The following ROBO2 variants were observed in gnomAD, a reference collection of about 807,000 sequenced individuals.
The protein encoded by ROBO2 is roundabout homolog 2.
A neutral mutation model predicts 160.8 loss-of-function variants in ROBO2; 53 were observed. The observed-to-expected ratio is 0.33, with a 90% confidence interval of 0.26 to 0.41. The LOEUF (loss-of-function observed/expected upper bound fraction) is 0.41. Ranked by LOEUF, ROBO2 falls within the 10% of genes least tolerant of loss-of-function variation. ROBO2 has a pLI of 1.00. For synonymous variants in ROBO2, 664 were observed against 611.7 expected (o/e 1.09, Z -1.26); for missense variants, 1,577 against 1,722.4 (o/e 0.92, Z 1.49).
chr3:77,159,172 A>C (rs564406252), intron 2 of ROBO2, among the ~76,000 whole-genome samples: 2 of 152,252 alleles, frequency 1.3e-5, no homozygotes, highest in Admixed American at 1.3e-4. Flanking sequence ...CATCGGGAGA[A>C]GCTCCTATTC....
chr3:76,185,095 A>C (rs1019985961), intron 2 of ROBO2, among the ~76,000 whole-genome samples: 14 of 151,006 alleles, frequency 9.3e-5, no homozygotes, highest in African/African-American at 3.4e-4. Flanking sequence ...GTAAATCATC[A>C]CAGGTATGGA....
chr3:77,597,725 T>C (rs1287351460), intron 19 of ROBO2, among the ~76,000 whole-genome samples: 1 of 151,352 alleles, frequency 6.6e-6, no homozygotes, highest in African/African-American at 2.4e-5. Context: ...AAAAAAAAAG[T>C]GTTTAGAAAA....
chr3:76,998,266 A>G (rs571861543), intron 2 of ROBO2, among the ~76,000 whole-genome samples: 2 of 152,286 alleles, frequency 1.3e-5, no homozygotes, highest in African/African-American at 4.8e-5. Context: ...GATAATGGAG[A>G]TAAGGACATA....
At chr3:77,602,786 T>G (rs1293278509) in intron 20 of ROBO2, 2 of 487,692 alleles carry the variant, frequency 4.1e-6, no homozygotes, top group Non-Finnish European at 7.8e-6. Flanking sequence ...CAACAATCCA[T>G]CTCTACTTCC....
intron 2 of ROBO2, among the ~76,000 whole-genome samples, chr3:76,502,024 C>G (rs1429274189): frequency 6.8e-6 from 1 of 147,420 alleles, no homozygotes; most frequent in East Asian, 1.9e-4. Flanking sequence ...CTCCCATAAT[C>G]TTTAATATTC....
At chr3:76,053,778 C>A (rs1277918873) in intron 2 of ROBO2, among the ~76,000 whole-genome samples, 1 of 152,012 alleles carries the variant, frequency 6.6e-6, no homozygotes, top group African/African-American at 2.4e-5. Context: ...TGATAAGAGG[C>A]AGATTGAAAT....
At chr3:76,150,725 C>T (rs1173551523) in intron 2 of ROBO2, among the ~76,000 whole-genome samples, 1 of 152,178 alleles carries the variant, frequency 6.6e-6, no homozygotes, top group African/African-American at 2.4e-5. Context: ...CCCAATCACA[C>T]TCTGATCTTT....
intron 2 of ROBO2, among the ~76,000 whole-genome samples, chr3:76,284,413 A>C (rs1234524274): frequency 2.0e-5 from 3 of 152,018 alleles, no homozygotes; most frequent in African/African-American, 4.8e-5. Context: ...CCTATAAAAA[A>C]AATCTGAGAT....
chr3:75,954,253 T>A (rs569328681), intron 2 of ROBO2, among the ~76,000 whole-genome samples: 3 of 151,842 alleles, frequency 2.0e-5, no homozygotes, highest in Non-Finnish European at 4.4e-5. Flanking sequence ...CTCAGGCGTC[T>A]CCAGTCCTAC....
At chr3:76,291,502 T>C (rs1708801183) in intron 2 of ROBO2, among the ~76,000 whole-genome samples, 1 of 152,114 alleles carries the variant, frequency 6.6e-6, no homozygotes, top group African/African-American at 2.4e-5. Context: ...ATATTTTATA[T>C]GATTTCCTGC....
intron 2 of ROBO2, among the ~76,000 whole-genome samples, chr3:76,514,223 A>G (rs1324968604): frequency 6.6e-6 from 1 of 152,048 alleles, no homozygotes; most frequent in Non-Finnish European, 1.5e-5. Flanking sequence ...TGTGTTTTTT[A>G]TAAACTGAGA....
intron 2 of ROBO2, among the ~76,000 whole-genome samples, chr3:77,405,688 T>C (rs112815756): frequency 0.01 from 1,562 of 152,078 alleles, 29 homozygotes; most frequent in African/African-American, 0.036. Context: ...TTAATGTTTA[T>C]AAGTCTACTA....
chr3:76,143,163 A>G (rs1335667271), intron 2 of ROBO2, among the ~76,000 whole-genome samples: 1 of 151,942 alleles, frequency 6.6e-6, no homozygotes, highest in Admixed American at 6.6e-5. Context: ...AGTAGCTGGG[A>G]CTATACGCAT....
At chr3:76,642,403 A>C (rs1036734807) in intron 2 of ROBO2, among the ~76,000 whole-genome samples, 3 of 115,736 alleles carry the variant, frequency 2.6e-5, no homozygotes, top group African/African-American at 1.0e-4. Context: ...CCCAGGCTGG[A>C]GTGTAATGGC....
rs758719330 is a variant in ROBO2, at chr3:77,636,789, AAC to A, written c.3934+1750_3934+1751del. Reference sequence around the variant, plus strand: ...TGCTTAAACACTGTTAGTTTCAGGAAACACAATATTACTGGAAGATATCCATG... The same window carrying A: ...TGCTTAAACACTGTTAGTTTCAGGAAACAATATTACTGGAAGATATCCATG... On this transcript the variant is annotated intron_variant, in intron 24 of 25. Transcript: ENST00000461745. Among the ~76,000 whole-genome samples the A allele has an allele frequency of 1.1e-4, 17 of 152,318 alleles. No homozygotes were observed. In the East Asian group the frequency reaches 2.5e-3, roughly 22 times the overall value.
intron 2 of ROBO2, among the ~76,000 whole-genome samples, chr3:76,111,831 T>C (rs2070246080): frequency 6.6e-6 from 1 of 152,022 alleles, no homozygotes; most frequent in Non-Finnish European, 1.5e-5. Flanking sequence ...TCTCCCTGTC[T>C]CTCTCTCTCT....
chr3:77,462,005 C>T (rs928711366), intron 2 of ROBO2, among the ~76,000 whole-genome samples: 2 of 152,084 alleles, frequency 1.3e-5, no homozygotes, highest in East Asian at 1.9e-4. Flanking sequence ...GGATTACAGG[C>T]GTGAGCCACC....
chr3:77,131,229 C>T (rs80252893), intron 2 of ROBO2, among the ~76,000 whole-genome samples: 2,829 of 152,232 alleles, frequency 0.019, 70 homozygotes, highest in African/African-American at 0.063. Flanking sequence ...AAACCTTTCC[C>T]TCTGAGATAT....
chr3:77,370,340 T>C (rs1271383951), intron 2 of ROBO2, among the ~76,000 whole-genome samples: 1 of 152,196 alleles, frequency 6.6e-6, no homozygotes, highest in Non-Finnish European at 1.5e-5. Flanking sequence ...GGAGTCTCCT[T>C]AGTAGCGTAA....
Sources: gnomAD v4.1 joint callset for allele counts (sites outside exome capture counted in the v4.1 genomes callset) on GRCh38, gnomAD v4.1.1 for gene constraint, MANE v1.5 for transcripts, NCBI Gene and HGNC (gene_info 2026-07-23, HGNC 2026-07-21) for gene names.